Variants in MAP3K13 observed in about 807,000 individuals in gnomAD.
The protein encoded by MAP3K13 is mitogen-activated protein kinase kinase kinase 13, also known as leucine zipper-bearing kinase.
Under a neutral mutation model 104.0 loss-of-function variants are expected in MAP3K13, and 52 were observed. That is an observed-to-expected ratio of 0.50 (90% CI 0.40 to 0.63). MAP3K13 has a LOEUF of 0.63. Among genes scored for constraint, MAP3K13 ranks in the 20% least tolerant of loss-of-function variants. The probability of loss-of-function intolerance (pLI) is 0.00; values close to 1 mark genes in which losing one functional copy is unlikely to be tolerated. For missense variants in MAP3K13, 914 were observed against 1,218.5 expected, an observed-to-expected ratio of 0.75 and a Z score of 3.72; for synonymous variants, 394 against 442.2, an observed-to-expected ratio of 0.89 and a Z score of 1.37.
intron 1 of MAP3K13, among the ~76,000 whole-genome samples, chr3:185,412,288 A>G (rs1713497437): frequency 6.6e-6 from 1 of 151,608 alleles, no homozygotes; most frequent in Non-Finnish European, 1.5e-5. Context: ...TTTTCTTTCC[A>G]TTAGAACTGT....
intron 2 of MAP3K13, among the ~76,000 whole-genome samples, chr3:185,344,956 A>G (rs570709284): frequency 3.4e-4 from 51 of 149,302 alleles, no homozygotes; most frequent in Non-Finnish European, 6.8e-4. Flanking sequence ...TCTGCCTCCC[A>G]GGTTCAAATG....
chr3:185,448,858 G>T (rs1484249105), intron 5 of MAP3K13, among the ~76,000 whole-genome samples: 1 of 152,076 alleles, frequency 6.6e-6, no homozygotes, highest in Non-Finnish European at 1.5e-5. Flanking sequence ...CATCGTATTT[G>T]CTTATTTGTG....
In MAP3K13 at chr3:185,342,799, C is replaced by T. The variant is rs927646974; in HGVS notation, c.-86+57156C>T. On this transcript the variant is annotated intron_variant, in intron 2 of 14. Transcript: ENST00000424227. Reference sequence around the variant, plus strand: ...AAACTCAGTGGCTCAAAACAATACACATTTGTCACCTCAGTTACTGGGCAT... The same window carrying T: ...AAACTCAGTGGCTCAAAACAATACATATTTGTCACCTCAGTTACTGGGCAT... Among the ~76,000 whole-genome samples the T allele has an allele frequency of 8.5e-5, 13 of 152,278 alleles. 1 individual carries two copies. Among genetic ancestry groups the T allele is most frequent in the African/African-American group, 2.4e-4 (10 of 41,554 alleles).
chr3:185,379,603 G>A (rs1193238925), intron 1 of MAP3K13, among the ~76,000 whole-genome samples: 1 of 152,200 alleles, frequency 6.6e-6, no homozygotes. Context: ...GGCACCAAGT[G>A]TCTCACGTGT....
intron 2 of MAP3K13, chr3:185,291,533 C>T: frequency 2.4e-6 from 3 of 1,272,498 alleles, no homozygotes; most frequent in Non-Finnish European, 2.1e-6. Context: ...AATTACTGAC[C>T]CAAAAGTAGT....
intron 2 of MAP3K13, among the ~76,000 whole-genome samples, chr3:185,356,251 A>C (rs1450329275): frequency 6.6e-6 from 1 of 152,236 alleles, no homozygotes; most frequent in Non-Finnish European, 1.5e-5. Flanking sequence ...AAGGAATTCT[A>C]TAGTACAGGG....
rs1188336035 is a variant in MAP3K13 at position 185,428,832 on chromosome 3, T to C, written c.251T>C (p.Val84Ala). The C allele has an allele frequency of 1.9e-6, 3 of 1,614,094 alleles. No individual in the cohort carries two copies. The East Asian group carries it at 6.7e-5, about 36-fold the overall frequency. The change falls in exon 2 of 14, where the codon GTT becomes GCT. Residue 84 changes from valine (V) to alanine (A), a missense_variant. Val to Ala is a moderately conservative substitution (Grantham distance 64). This residue lies in a region of MAP3K13 where 156 missense variants were observed against 159.8 expected (regional missense o/e 0.98). Transcript: ENST00000265026. Reference sequence around the variant, plus strand: ...TCCAGGGACCAGTTTGAGAACAGCGTTCTTCAGCTAAGGGAACACGATGAA... The same window carrying C: ...TCCAGGGACCAGTTTGAGAACAGCGCTCTTCAGCTAAGGGAACACGATGAA... Reference protein sequence around the residue: ...EDSRDQFENSVLQLREHDESE... With the variant: ...EDSRDQFENSALQLREHDESE...
intron 2 of MAP3K13, among the ~76,000 whole-genome samples, chr3:185,349,087 A>C (rs1389660934): frequency 6.6e-6 from 1 of 152,080 alleles, no homozygotes; most frequent in African/African-American, 2.4e-5. Context: ...AGCTGTAAGC[A>C]TATGGTACTG....
chr3:185,463,884 A>G (rs1217272786), intron 8 of MAP3K13, among the ~76,000 whole-genome samples: 2 of 152,188 alleles, frequency 1.3e-5, no homozygotes, highest in African/African-American at 4.8e-5. Context: ...TGCAACAAAG[A>G]TTCTTGAAAC....
chr3:185,371,004 C>T (rs935867497), intron 1 of MAP3K13, among the ~76,000 whole-genome samples: 40 of 152,164 alleles, frequency 2.6e-4, no homozygotes, highest in African/African-American at 9.6e-4. Context: ...AAAATGAAGA[C>T]CCACTAAATT....
At position 185,427,537 on chromosome 3, in the gene MAP3K13, C is replaced by T. The variant is rs142358937; in HGVS notation, c.-85-960C>T. ...AGAGCTAGGGCTTAGTTGTGTTACC[C>T]CAGATTTGGTGCAGTATAATAAAAA... On this transcript the variant is annotated intron_variant, in intron 1 of 13. Coordinates refer to ENST00000265026, the MANE Select transcript of MAP3K13 (RefSeq NM_004721.5). 9.6e-3 allele frequency among the ~76,000 whole-genome samples: 1,468 copies of T among 152,182 alleles called. 17 individuals are homozygous for T. The highest frequency in any genetic ancestry group is 0.013 in the Non-Finnish European group (890 of 67,998).
chr3:185,340,550 C>A (rs1247845037), intron 2 of MAP3K13, among the ~76,000 whole-genome samples: 2 of 152,104 alleles, frequency 1.3e-5, no homozygotes, highest in Non-Finnish European at 2.9e-5. Flanking sequence ...GCTTAAGTGT[C>A]CCTTTTCTTT....
At chr3:185,454,537 TATATATATGATATATACAC>T (rs1196108983) in intron 7 of MAP3K13, among the ~76,000 whole-genome samples, 8 of 20,022 alleles carry the variant, frequency 4.0e-4, no homozygotes, top group African/African-American at 8.4e-4. Flanking sequence ...ATATATGAGA[TATATATATGATATATACAC>T]ATATATATGA....
intron 7 of MAP3K13, among the ~76,000 whole-genome samples, chr3:185,456,578 A>G (rs1382694331): frequency 6.7e-6 from 1 of 150,146 alleles, no homozygotes; most frequent in Non-Finnish European, 1.5e-5. Flanking sequence ...TATGGTTGCA[A>G]TCACAGCTTT....
chr3:185,308,041 C>G (rs6766132), intron 2 of MAP3K13, among the ~76,000 whole-genome samples: 1 of 101,052 alleles, frequency 9.9e-6, no homozygotes. Context: ...TTGAGACTTA[C>G]TTTGTTCCCT....
At position 185,473,569 on chromosome 3, in the gene MAP3K13, C is replaced by G. The variant is rs1560133374; in HGVS notation, c.2238C>G (p.Pro746=). Residue 746 remains proline (P), a synonymous_variant, in exon 11 of 14, where the codon CCC becomes CCG. Transcript: ENST00000265026. The surrounding 1 kb of genome is among the most constrained non-coding windows in gnomAD (Gnocchi z 4.9). ...AACAGTATGGGTCCTTAGACATACC[C>G]TCTGCTGAGCCAGTGGGGAGGAGCC... is the stretch of plus-strand genomic sequence containing the variant. The part of the protein sequence containing the change: ...RPEQYGSLDI[P]SAEPVGRSPD... 2 of 1,614,198 alleles carry G rather than the reference C, an allele frequency of 1.2e-6. No homozygotes were observed. The highest frequency in any genetic ancestry group is 1.7e-5 in the Admixed American group (1 of 60,024).
At chr3:185,324,823 TG>T (rs1023048404) in intron 2 of MAP3K13, among the ~76,000 whole-genome samples, 12 of 149,816 alleles carry the variant, frequency 8.0e-5, no homozygotes, top group African/African-American at 2.7e-4. Context: ...AAAAAAAAAC[TG>T]CTCAAACAAA....
intron 1 of MAP3K13, among the ~76,000 whole-genome samples, chr3:185,369,101 A>G (rs1016098367): frequency 6.6e-6 from 1 of 152,234 alleles, no homozygotes; most frequent in Non-Finnish European, 1.5e-5. Context: ...ACAGACAAAA[A>G]TTGTTGCCCT....
At chr3:185,455,586 T>TATATATGACATATATATCATATATATG (rs1560119964) in intron 7 of MAP3K13, among the ~76,000 whole-genome samples, 400 of 14,640 alleles carry the variant, frequency 0.027, 129 homozygotes, top group Non-Finnish European at 0.076. Context: ...ATATATATGA[T>TATATATGACATATATATCATATATATG]ATATATGAGA....
Sources: gnomAD v4.1 joint callset for allele counts (sites outside exome capture counted in the v4.1 genomes callset) on GRCh38, gnomAD v4.1.1 for gene constraint, gnomAD v4.1.1 regional missense constraint, Gnocchi (gnomAD v3.1) non-coding constraint, MANE v1.5 for transcripts, NCBI Gene and HGNC (gene_info 2026-07-23, HGNC 2026-07-21) for gene names.